Variants in KSR2 observed in about 807,000 individuals in gnomAD.
KSR2 encodes the protein kinase suppressor of ras 2.
KSR2 carries 25 observed loss-of-function variants against 107.8 expected under a neutral mutation model. That is an observed-to-expected ratio of 0.23 (90% CI 0.17 to 0.32). The LOEUF is 0.32. Ranked by LOEUF, KSR2 falls within the 10% of genes least tolerant of loss-of-function variation. The pLI is 1.00. For synonymous variants in KSR2, 480 were observed against 507.0 expected (o/e 0.95, Z 0.71); for missense variants, 887 against 1,268.9 (o/e 0.70, Z 4.57).
At chr12:117,632,184 C>T (rs1882837621) in intron 5 of KSR2, among the ~76,000 whole-genome samples, 2 of 146,580 alleles carry the variant, frequency 1.4e-5, no homozygotes, top group South Asian at 4.3e-4. Context: ...ATATGACAGG[C>T]TGTAAGAGAA....
intron 5 of KSR2, among the ~76,000 whole-genome samples, chr12:117,609,465 T>C (rs1255009809): frequency 6.6e-6 from 1 of 152,242 alleles, no homozygotes; most frequent in Non-Finnish European, 1.5e-5. Context: ...TTTTTATTTT[T>C]TGTATGGCTG....
chr12:117,887,834 TCCACTGGCCA>T (rs1894221782), intron 1 of KSR2, among the ~76,000 whole-genome samples: 1 of 152,088 alleles, frequency 6.6e-6, no homozygotes, highest in Admixed American at 6.5e-5. Flanking sequence ...AAAACTCTCC[TCCACTGGCCA>T]CCCCTCATAT....
intron 16 of KSR2, 75 bp downstream of exon 16, chr12:117,484,341 G>T: frequency 6.5e-7 from 1 of 1,549,764 alleles, no homozygotes; most frequent in Non-Finnish European, 8.8e-7. Flanking sequence ...GGTCACTAAA[G>T]CCATTTGGAC....
chr12:117,502,472 C>G (rs187072883), intron 14 of KSR2, among the ~76,000 whole-genome samples: 1 of 152,170 alleles, frequency 6.6e-6, no homozygotes, highest in East Asian at 1.9e-4. Flanking sequence ...ATTAGAACTT[C>G]AGGTTGCCTA....
chr12:117,916,283 G>C (rs555050180), intron 1 of KSR2, among the ~76,000 whole-genome samples: 1 of 151,676 alleles, frequency 6.6e-6, no homozygotes, highest in South Asian at 2.1e-4. Flanking sequence ...ACCACAGACA[G>C]GCACCACCAC....
At chr12:117,517,706 A>T (rs903711435) in intron 14 of KSR2, 1 of 396,418 alleles carries the variant, frequency 2.5e-6, no homozygotes, top group African/African-American at 2.1e-5. Context: ...CAGACAAAAA[A>T]CCTTTTCAGC....
chr12:117,521,951 A>G (rs1023815480), intron 14 of KSR2, among the ~76,000 whole-genome samples: 1 of 152,204 alleles, frequency 6.6e-6, no homozygotes. Context: ...CCTAAGATAA[A>G]TATATAACAA....
chr12:117,657,730 A>AG (rs747413854), intron 5 of KSR2, among the ~76,000 whole-genome samples: 16 of 152,202 alleles, frequency 1.1e-4, no homozygotes, highest in Admixed American at 6.5e-5. Context: ...CTAGGTCCTG[A>AG]GTAGCTAAAG....
At chr12:117,921,226 TTTACATGTGCCTCCATGGCAGGCACATTA>T (rs1895333223) in intron 1 of KSR2, among the ~76,000 whole-genome samples, 1 of 152,178 alleles carries the variant, frequency 6.6e-6, no homozygotes. Flanking sequence ...TCCTCAGAAC[TTTACATGTGCCTCCATGGCAGGCACATTA>T]AATATTAAAT....
At chr12:117,806,447 G>A (rs2137036306) in intron 3 of KSR2, among the ~76,000 whole-genome samples, 1 of 152,286 alleles carries the variant, frequency 6.6e-6, no homozygotes, top group East Asian at 1.9e-4. Context: ...TTCGTCTAGG[G>A]CTCCATTTCC....
At position 117,524,836 on chromosome 12, in the gene KSR2, C is replaced by G; in HGVS notation, c.2219+16G>C. Reference sequence around the variant, plus strand: ...AGTTTTGCCAATCCCTGGGTAGAAGCCCAGGTGGAACTGACCTGGTGATGA... The same window carrying G: ...AGTTTTGCCAATCCCTGGGTAGAAGGCCAGGTGGAACTGACCTGGTGATGA... On this transcript the variant is annotated intron_variant, in intron 14 of 19. Coordinates refer to ENST00000339824, the MANE Select transcript of KSR2 (RefSeq NM_173598.6). The G allele has an allele frequency of 6.3e-7, 1 of 1,587,582 alleles. No homozygotes were observed.
intron 5 of KSR2, among the ~76,000 whole-genome samples, chr12:117,635,610 AT>A (rs1883030944): frequency 1.3e-5 from 2 of 152,124 alleles, no homozygotes; most frequent in Admixed American, 1.3e-4. Context: ...AGAAAATATA[AT>A]TTTTTAATGA....
chr12:117,749,199 T>C (rs935134521), intron 4 of KSR2, among the ~76,000 whole-genome samples: 2 of 142,202 alleles, frequency 1.4e-5, no homozygotes, highest in Non-Finnish European at 3.0e-5. Context: ...CCTCGGTGTG[T>C]ACAGAAACTG....
intron 1 of KSR2, among the ~76,000 whole-genome samples, chr12:117,939,333 G>T (rs568897270): frequency 6.6e-6 from 1 of 152,156 alleles, no homozygotes; most frequent in African/African-American, 2.4e-5. Flanking sequence ...TTTGACATGG[G>T]GAGGCATTGA....
At chr12:117,793,126 A>C (rs1380901788) in intron 3 of KSR2, among the ~76,000 whole-genome samples, 1 of 140,204 alleles carries the variant, frequency 7.1e-6, no homozygotes, top group African/African-American at 2.8e-5. Context: ...ACAAACATGC[A>C]CACACACACT....
chr12:117,843,929 C>T (rs1264949800), intron 3 of KSR2, among the ~76,000 whole-genome samples: 1 of 127,534 alleles, frequency 7.8e-6, no homozygotes, highest in Non-Finnish European at 1.6e-5. Flanking sequence ...TTAAGCTTCC[C>T]TTTTTTTTTT....
At chr12:117,685,464 T>C (rs1342539375) in intron 4 of KSR2, among the ~76,000 whole-genome samples, 1 of 152,200 alleles carries the variant, frequency 6.6e-6, no homozygotes, top group Non-Finnish European at 1.5e-5. Flanking sequence ...ATTTCCAAGA[T>C]AAATTGGCGC....
intron 4 of KSR2, among the ~76,000 whole-genome samples, chr12:117,713,636 T>C (rs1886875296): frequency 6.6e-6 from 1 of 152,098 alleles, no homozygotes; most frequent in South Asian, 2.1e-4. Context: ...ATAGGAAAAG[T>C]GAGGGATGGA....
At position 117,524,843 on chromosome 12, in the gene KSR2, G is replaced by A; in HGVS notation, c.2219+9C>T. 1.9e-6 allele frequency: 3 copies of A among 1,596,246 alleles called. No individual in the cohort carries two copies. Among genetic ancestry groups the A allele is most frequent in the Non-Finnish European group, 2.6e-6 (3 of 1,172,364 alleles). On this transcript the variant is annotated intron_variant, in intron 14 of 19. Transcript: ENST00000339824. ...CCAATCCCTGGGTAGAAGCCCAGGT[G>A]GAACTGACCTGGTGATGATGGCCAG...
Sources: allele counts gnomAD v4.1 joint callset (sites outside exome capture counted in the v4.1 genomes callset), GRCh38; gene constraint gnomAD v4.1.1; transcripts MANE v1.5; gene names NCBI Gene and HGNC (gene_info 2026-07-23, HGNC 2026-07-21).